Variants in PKP4 observed in about 807,000 individuals in gnomAD.
PKP4 encodes plakophilin-4.
In PKP4, 90 loss-of-function variants were observed where a neutral mutation model predicts 145.1. The observed-to-expected ratio is 0.62, with a 90% CI of 0.52 to 0.74. The LOEUF (loss-of-function observed/expected upper bound fraction) is 0.74, where lower values mean the gene tolerates loss of function less well. Ranked by LOEUF, PKP4 falls within the 30% of genes least tolerant of loss-of-function variation. The pLI, the probability that PKP4 is intolerant of heterozygous loss-of-function variation, is 0.00. For missense variants in PKP4, 1,340 were observed against 1,482.7 expected, an observed-to-expected ratio of 0.90 and a Z score of 1.58; for synonymous variants, 563 against 577.2, an observed-to-expected ratio of 0.98 and a Z score of 0.35.
chr2:158,639,816 G>A (rs1217781163), intron 9 of PKP4, among the ~76,000 whole-genome samples: 1 of 152,176 alleles, frequency 6.6e-6, no homozygotes, highest in African/African-American at 2.4e-5. Context: ...TCTGAAGGCA[G>A]GGTACCGCTT....
At chr2:158,477,320 A>G (rs1440773934) in intron 1 of PKP4, among the ~76,000 whole-genome samples, 2 of 152,244 alleles carry the variant, frequency 1.3e-5, no homozygotes, top group Middle Eastern at 3.4e-3. Context: ...TGGGCTAGGT[A>G]CCTTGTTTCC....
At chr2:158,522,737 G>A (rs1481781374) in intron 1 of PKP4, among the ~76,000 whole-genome samples, 2 of 152,222 alleles carry the variant, frequency 1.3e-5, no homozygotes, top group African/African-American at 4.8e-5. Flanking sequence ...ATCTCACTAG[G>A]GAGTGCCAGA....
intron 2 of PKP4, chr2:158,548,301 T>A (rs951335237): frequency 2.0e-5 from 3 of 152,226 alleles, no homozygotes; most frequent in African/African-American, 7.2e-5. Context: ...TGTGCATAAG[T>A]AAAATTTTAA....
At chr2:158,469,425 C>T (rs1380893935) in intron 1 of PKP4, among the ~76,000 whole-genome samples, 1 of 152,138 alleles carries the variant, frequency 6.6e-6, no homozygotes, top group African/African-American at 2.4e-5. Context: ...TTCTTATCCC[C>T]TCCTTCCCAC....
In PKP4 at chr2:158,511,992, T is replaced by C. The variant is rs541952945; in HGVS notation, c.-5-21188T>C. Reference sequence around the variant, plus strand: ...CATAACTCAGTTTTTTAAAGTGTTATGGTATATCTTGTCTAGAGAGTATTT... The same window carrying C: ...CATAACTCAGTTTTTTAAAGTGTTACGGTATATCTTGTCTAGAGAGTATTT... On this transcript the variant is annotated intron_variant, in intron 1 of 21. Transcript: ENST00000389759. Among the ~76,000 whole-genome samples, 9 of 152,332 alleles carry C rather than the reference T, an allele frequency of 5.9e-5. No individual in the cohort carries two copies. In the East Asian group the frequency reaches 1.3e-3, roughly 23 times the overall value.
At chr2:158,589,004 T>C (rs1468928222) in intron 3 of PKP4, 2 of 152,214 alleles carry the variant, frequency 1.3e-5, no homozygotes, top group African/African-American at 4.8e-5. Context: ...CTGTATTTTA[T>C]TATTTTTAGT....
At chr2:158,665,386 G>C (rs1168338991) in intron 15 of PKP4, among the ~76,000 whole-genome samples, 1 of 152,140 alleles carries the variant, frequency 6.6e-6, no homozygotes, top group Non-Finnish European at 1.5e-5. Flanking sequence ...AATATAAATA[G>C]GATCTTTGAA....
At chr2:158,596,187 A>G (rs2049723077) in intron 3 of PKP4, among the ~76,000 whole-genome samples, 1 of 152,224 alleles carries the variant, frequency 6.6e-6, no homozygotes, top group Admixed American at 6.5e-5. Flanking sequence ...GCACAATAAA[A>G]GGTGAAACAT....
chr2:158,607,455 G>A (rs750013960), intron 4 of PKP4, among the ~76,000 whole-genome samples: 3 of 152,112 alleles, frequency 2.0e-5, no homozygotes, highest in Non-Finnish European at 2.9e-5. Context: ...TGATTAAACA[G>A]GATGATGAAG....
chr2:158,474,826 G>A (rs2105414887), intron 1 of PKP4, among the ~76,000 whole-genome samples: 1 of 152,302 alleles, frequency 6.6e-6, no homozygotes, highest in African/African-American at 2.4e-5. Context: ...ATTAGCATCA[G>A]GGGAGGTCCA....
At chr2:158,532,739 C>G (rs928765403) in intron 1 of PKP4, among the ~76,000 whole-genome samples, 6 of 152,280 alleles carry the variant, frequency 3.9e-5, no homozygotes, top group African/African-American at 1.2e-4. Flanking sequence ...CTAAAGAAAC[C>G]AAGCTAGCTA....
intron 21 of PKP4, 124 bp downstream of exon 21, chr2:158,678,778 C>A: frequency 1.4e-6 from 1 of 725,870 alleles, no homozygotes; most frequent in Non-Finnish European, 2.5e-6. Context: ...CCCTGGGGAT[C>A]TTCACTCCTT....
intron 15 of PKP4, among the ~76,000 whole-genome samples, chr2:158,663,893 C>T (rs559672139): frequency 2.0e-5 from 3 of 152,280 alleles, no homozygotes; most frequent in African/African-American, 7.2e-5. Flanking sequence ...ATGGAAGGAG[C>T]CATCCAGATA....
intron 1 of PKP4, among the ~76,000 whole-genome samples, chr2:158,472,317 AAGT>A (rs1691696123): frequency 6.9e-6 from 1 of 143,934 alleles, no homozygotes; most frequent in Non-Finnish European, 1.5e-5. Flanking sequence ...GAATTTTAAA[AAGT>A]AGAATTAGGC....
At chr2:158,605,341 C>T (rs1182572774) in intron 4 of PKP4, among the ~76,000 whole-genome samples, 3 of 152,038 alleles carry the variant, frequency 2.0e-5, no homozygotes, top group Non-Finnish European at 4.4e-5. Flanking sequence ...AAAAGTATAC[C>T]TAATGAGTAA....
intron 3 of PKP4, 133 bp from the exon 4 acceptor site, chr2:158,602,937 A>G: frequency 2.1e-6 from 1 of 486,114 alleles, no homozygotes; most frequent in South Asian, 3.2e-5. Flanking sequence ...GATAAGTTTA[A>G]ATTTTATTTA....
chr2:158,497,725 A>G (rs1695946200), intron 1 of PKP4, among the ~76,000 whole-genome samples: 1 of 152,222 alleles, frequency 6.6e-6, no homozygotes, highest in African/African-American at 2.4e-5. Flanking sequence ...ATTAAATGAT[A>G]TAATGTTTTA....
At chr2:158,661,589 G>A (rs900797586) in intron 13 of PKP4, 139 bp downstream of exon 13, 19 of 618,054 alleles carry the variant, frequency 3.1e-5, no homozygotes, top group Non-Finnish European at 5.0e-5. Flanking sequence ...CAAAGGGCAA[G>A]TCTCCAAAGT....
At chr2:158,660,221 G>A (rs59264445) in intron 12 of PKP4, 11,165 of 152,742 alleles carry the variant, frequency 0.073, 998 homozygotes, top group African/African-American at 0.21. Flanking sequence ...CTAATTAGCT[G>A]TCTATGTGCC....
Sources: allele counts gnomAD v4.1 joint callset (sites outside exome capture counted in the v4.1 genomes callset), GRCh38; gene constraint gnomAD v4.1.1; transcripts MANE v1.5; gene names NCBI Gene and HGNC (gene_info 2026-07-23, HGNC 2026-07-21).